Variants in RPH3A observed in about 807,000 individuals in gnomAD.
RPH3A encodes the protein rabphilin-3A.
RPH3A carries 48 observed loss-of-function variants against 102.2 expected under a neutral mutation model. The observed-to-expected ratio is 0.47, with a 90% CI of 0.37 to 0.60. The LOEUF (loss-of-function observed/expected upper bound fraction) is 0.60. Ranked by LOEUF, RPH3A falls within the 20% of genes least tolerant of loss-of-function variation. The probability of loss-of-function intolerance (pLI) is 0.00; values close to 1 mark genes in which losing one functional copy is unlikely to be tolerated. For synonymous variants in RPH3A, 310 were observed against 324.3 expected (o/e 0.96, Z 0.47); for missense variants, 781 against 910.1 (o/e 0.86, Z 1.83).
chr12:112,679,307 C>T (rs932795946), intron 1 of RPH3A, among the ~76,000 whole-genome samples: 2 of 152,040 alleles, frequency 1.3e-5, no homozygotes, highest in Middle Eastern at 3.2e-3. Context: ...GCGCATGCCA[C>T]GAGGCCCAGC....
intron 1 of RPH3A, among the ~76,000 whole-genome samples, chr12:112,659,913 C>G (rs2040037929): frequency 6.6e-6 from 1 of 152,114 alleles, no homozygotes; most frequent in Non-Finnish European, 1.5e-5. Context: ...TTTTCTTGCT[C>G]CAGCCCTGCT....
At chr12:112,838,333 C>T (rs1283867320) in intron 4 of RPH3A, among the ~76,000 whole-genome samples, 6 of 152,220 alleles carry the variant, frequency 3.9e-5, no homozygotes, top group Admixed American at 3.9e-4. Flanking sequence ...TTAACAGGAC[C>T]CCCAGGTCCC....
intron 7 of RPH3A, 63 bp from the exon 8 acceptor site, chr12:112,868,367 C>A (rs2042646651): frequency 1.3e-6 from 2 of 1,549,532 alleles, no homozygotes; most frequent in East Asian, 2.3e-5. Context: ...AATGGGCACT[C>A]ATGAAGGTAA....
At chr12:112,799,952 T>G (rs1440540194) in intron 2 of RPH3A, among the ~76,000 whole-genome samples, 2 of 152,184 alleles carry the variant, frequency 1.3e-5, no homozygotes, top group Non-Finnish European at 2.9e-5. Context: ...TGAGAACCCC[T>G]GCTCTAGACT....
intron 1 of RPH3A, among the ~76,000 whole-genome samples, chr12:112,687,581 G>A (rs934256871): frequency 6.6e-6 from 1 of 152,200 alleles, no homozygotes; most frequent in Non-Finnish European, 1.5e-5. Context: ...TGTCTACCAC[G>A]TGTGCTATCA....
At chr12:112,826,630 T>C (rs916324199) in intron 2 of RPH3A, among the ~76,000 whole-genome samples, 1 of 152,226 alleles carries the variant, frequency 6.6e-6, no homozygotes, top group Non-Finnish European at 1.5e-5. Flanking sequence ...CCCCAATTTC[T>C]GTCACTACCA....
rs759780728 is a variant in RPH3A at position 112,897,036 on chromosome 12, G to A, written c.*256G>A. The A allele has an allele frequency of 9.2e-5, 40 of 436,128 alleles. No homozygotes were observed. Among genetic ancestry groups the A allele is most frequent in the Non-Finnish European group, 1.3e-4 (31 of 238,684 alleles). The allele number at this position is 436,128 out of a possible 1,614,324, so 27.0% of individuals were successfully genotyped here. On this transcript the variant is annotated 3_prime_UTR_variant, in exon 22 of 22. Transcript: ENST00000389385. ...GCAATGGGGATGGGGTTGGGGAGAC[G>A]TTTACAAAGAGGTTGATCATTTAAT...
chr12:112,823,644 A>G (rs928587092), intron 2 of RPH3A, among the ~76,000 whole-genome samples: 4 of 152,116 alleles, frequency 2.6e-5, no homozygotes, highest in Admixed American at 1.3e-4. Context: ...GGTACTATTT[A>G]TGTGACACTT....
At chr12:112,630,149 C>T (rs2039794012) in intron 1 of RPH3A, among the ~76,000 whole-genome samples, 1 of 152,060 alleles carries the variant, frequency 6.6e-6, no homozygotes, top group African/African-American at 2.4e-5. Flanking sequence ...TCCACCCACC[C>T]ACCCATCCAT....
intron 1 of RPH3A, among the ~76,000 whole-genome samples, chr12:112,585,734 C>G (rs569582466): frequency 1.3e-5 from 2 of 151,864 alleles, no homozygotes; most frequent in East Asian, 3.9e-4. Context: ...GAAACTCTGT[C>G]TCAAAGAAAA....
intron 4 of RPH3A, among the ~76,000 whole-genome samples, chr12:112,840,942 C>G (rs1280218381): frequency 6.6e-6 from 1 of 151,864 alleles, no homozygotes; most frequent in Non-Finnish European, 1.5e-5. Flanking sequence ...GTTTCCATTC[C>G]CATTCACATC....
At chr12:112,792,560 G>T (rs2041142018) in intron 2 of RPH3A, among the ~76,000 whole-genome samples, 1 of 152,248 alleles carries the variant, frequency 6.6e-6, no homozygotes, top group African/African-American at 2.4e-5. Flanking sequence ...AGAAGCTGGT[G>T]AAAGTAGCCG....
chr12:112,716,507 C>G (rs976247448), intron 1 of RPH3A, among the ~76,000 whole-genome samples: 1 of 152,350 alleles, frequency 6.6e-6, no homozygotes, highest in African/African-American at 2.4e-5. Context: ...ATGGATGCCT[C>G]TGCTATCTTC....
chr12:112,587,568 G>A (rs1019160673), intron 1 of RPH3A, among the ~76,000 whole-genome samples: 2 of 152,140 alleles, frequency 1.3e-5, no homozygotes, highest in African/African-American at 2.4e-5. Flanking sequence ...TGAAATGTTT[G>A]TCTTGTGTGG....
chr12:112,890,218 A>G (rs2136265695), intron 18 of RPH3A, 138 bp downstream of exon 18: 1 of 766,042 alleles, frequency 1.3e-6, no homozygotes, highest in Non-Finnish European at 2.2e-6. Context: ...CCTTGAGAAC[A>G]ACCCTTTGCC....
At chr12:112,651,969 G>A (rs1433840521) in intron 1 of RPH3A, 1 of 152,184 alleles carries the variant, frequency 6.6e-6, no homozygotes, top group Non-Finnish European at 1.5e-5. Flanking sequence ...TGTATGGCTA[G>A]GCCACATTTT....
intron 5 of RPH3A, among the ~76,000 whole-genome samples, chr12:112,861,814 C>A (rs970428641): frequency 3.3e-5 from 5 of 152,080 alleles, no homozygotes; most frequent in African/African-American, 1.2e-4. Flanking sequence ...GAGATCGAGA[C>A]CATCCTGGGT....
At chr12:112,663,525 A>G (rs1319207832) in intron 1 of RPH3A, among the ~76,000 whole-genome samples, 5 of 151,854 alleles carry the variant, frequency 3.3e-5, no homozygotes, top group African/African-American at 9.7e-5. Context: ...TTTACTTATT[A>G]TTATTATTTT....
intron 1 of RPH3A, among the ~76,000 whole-genome samples, chr12:112,677,782 G>A (rs936970706): frequency 3.3e-5 from 5 of 152,016 alleles, no homozygotes; most frequent in South Asian, 2.1e-4. Context: ...AGCTAGCCTC[G>A]GCAGCCATTA....
Sources: allele counts gnomAD v4.1 joint callset (sites outside exome capture counted in the v4.1 genomes callset), GRCh38; gene constraint gnomAD v4.1.1; transcripts MANE v1.5; gene names NCBI Gene and HGNC (gene_info 2026-07-23, HGNC 2026-07-21).